Variants in DLC1 observed in about 807,000 individuals in gnomAD.
The protein encoded by DLC1 is DLC1 Rho GTPase activating protein, also known as rho GTPase-activating protein 7.
Under a neutral mutation model 140.3 loss-of-function variants are expected in DLC1, and 54 were observed. The observed-to-expected ratio is 0.38, with a 90% CI of 0.31 to 0.48. DLC1 has a LOEUF of 0.48. Ranked by LOEUF, DLC1 falls within the 20% of genes least tolerant of loss-of-function variation. The pLI, the probability that DLC1 is intolerant of heterozygous loss-of-function variation, is 0.96. For synonymous variants in DLC1, 986 were observed against 728.1 expected, an observed-to-expected ratio of 1.35 and a Z score of -5.70; for missense variants, 2,536 against 1,907.0, an observed-to-expected ratio of 1.33 and a Z score of -6.14.
intron 4 of DLC1, among the ~76,000 whole-genome samples, chr8:13,378,798 T>C (rs1475694996): frequency 6.6e-6 from 1 of 152,132 alleles, no homozygotes; most frequent in African/African-American, 2.4e-5. Context: ...AAAGAGCATA[T>C]AGTTCATGTC....
chr8:13,312,161 A>C (rs1417843295), intron 4 of DLC1, among the ~76,000 whole-genome samples: 1 of 129,716 alleles, frequency 7.7e-6, no homozygotes, highest in Non-Finnish European at 1.7e-5. Flanking sequence ...GGAGATCGAG[A>C]CCATCCTGGC....
intron 2 of DLC1, among the ~76,000 whole-genome samples, chr8:13,423,675 A>T (rs608996): frequency 0.54 from 82,547 of 151,980 alleles, 22,612 homozygotes; most frequent in Admixed American, 0.55. Flanking sequence ...CCATTGCTGA[A>T]TTTGATAAAA....
intron 2 of DLC1, among the ~76,000 whole-genome samples, chr8:13,442,527 A>G (rs904867245): frequency 2.0e-5 from 3 of 152,228 alleles, no homozygotes; most frequent in Admixed American, 1.3e-4. Flanking sequence ...AAACAACCCC[A>G]TCAAAAAGTG....
At chr8:13,147,467 T>C (rs1823517065) in intron 5 of DLC1, among the ~76,000 whole-genome samples, 1 of 152,210 alleles carries the variant, frequency 6.6e-6, no homozygotes, top group African/African-American at 2.4e-5. Flanking sequence ...AGTTCTTTCA[T>C]ACTGATTTTC....
At chr8:13,421,609 T>G (rs568397014) in intron 2 of DLC1, among the ~76,000 whole-genome samples, 2 of 152,314 alleles carry the variant, frequency 1.3e-5, no homozygotes, top group East Asian at 3.9e-4. Flanking sequence ...TCATTGTTTG[T>G]GTCCTTGCAG....
intron 4 of DLC1, among the ~76,000 whole-genome samples, chr8:13,332,322 C>G (rs913435550): frequency 1.3e-5 from 2 of 152,162 alleles, no homozygotes; most frequent in African/African-American, 4.8e-5. Context: ...ACTGTTCATT[C>G]CCTGGTTTCA....
rs188234916 is a variant in DLC1 at position 13,169,178 on chromosome 8, A to T, written c.1349-53521T>A. ...GGTTAGAACTTACTCAACATTACTC[A>T]TTTTTAACCTTTGATTGGTTTGTTC... On this transcript the variant is annotated intron_variant, in intron 5 of 17. Transcript: ENST00000276297. Among the ~76,000 whole-genome samples, 309 of 152,254 alleles carry T rather than the reference A, an allele frequency of 2.0e-3. 1 individual carries two copies. Among genetic ancestry groups the T allele is most frequent in the African/African-American group, 7.3e-3 (305 of 41,544 alleles).
rs1293090197 is a variant in DLC1, at chr8:13,230,627, C to T, written c.1348+74642G>A. 1.8e-4 allele frequency among the ~76,000 whole-genome samples: 25 copies of T among 139,754 alleles called. 1 individual carries two copies. The highest frequency in any genetic ancestry group is 1.0e-3 in the East Asian group (5 of 4,794). The allele number at this position is 139,754 out of a possible 152,430, so 91.7% of individuals were successfully genotyped here. A position where few individuals can be genotyped will look rare whatever the true frequency, so the allele number is the denominator to read the frequency against. On this transcript the variant is annotated intron_variant, in intron 5 of 17. Transcript: ENST00000276297. ...TTTTTTTTTTTTGGAGATGGGGTCT[C>T]ACTCTGTAGCCCAGGCTGGAGTGTA... is the stretch of plus-strand genomic sequence containing the variant.
At chr8:13,369,626 A>T (rs979716987) in intron 4 of DLC1, among the ~76,000 whole-genome samples, 4 of 152,110 alleles carry the variant, frequency 2.6e-5, no homozygotes, top group African/African-American at 7.2e-5. Context: ...AATTCATCAG[A>T]ACCCCTGTTT....
rs958935387 is a variant in DLC1, at chr8:13,083,367, A to C, written c.*2444T>G. 1.3e-5 allele frequency: 2 copies of C among 152,132 alleles called. No individual in the cohort carries two copies. The highest frequency in any genetic ancestry group is 4.8e-5 in the African/African-American group (2 of 41,422). The allele number at this position is 152,132 out of a possible 1,614,324, so 9.4% of individuals were successfully genotyped here. On this transcript the variant is annotated 3_prime_UTR_variant, in exon 18 of 18. Coordinates refer to ENST00000276297, the MANE Select transcript of DLC1 (RefSeq NM_182643.3). ...CAGAAGCTAATCCAATCAGTTCAGTATAGCAAATAATAAATTTATTAGGTG... is the reference window on the plus strand; with the variant it reads ...CAGAAGCTAATCCAATCAGTTCAGTCTAGCAAATAATAAATTTATTAGGTG...
chr8:13,426,080 T>C (rs1838560977), intron 2 of DLC1, among the ~76,000 whole-genome samples: 1 of 152,168 alleles, frequency 6.6e-6, no homozygotes. Flanking sequence ...CTCAAAGTGC[T>C]GGAATTACAG....
At chr8:13,475,023 G>A (rs780627090) in intron 2 of DLC1, among the ~76,000 whole-genome samples, 1 of 151,906 alleles carries the variant, frequency 6.6e-6, no homozygotes, top group Non-Finnish European at 1.5e-5. Context: ...ATATTGCCCA[G>A]GCTGGTCTTG....
chr8:13,433,568 C>T (rs966125212), intron 2 of DLC1, among the ~76,000 whole-genome samples: 1 of 152,200 alleles, frequency 6.6e-6, no homozygotes, highest in Non-Finnish European at 1.5e-5. Context: ...CTCTAACTTT[C>T]TTCCTCAAAG....
At chr8:13,444,637 C>T (rs1219641577) in intron 2 of DLC1, among the ~76,000 whole-genome samples, 1 of 152,106 alleles carries the variant, frequency 6.6e-6, no homozygotes, top group African/African-American at 2.4e-5. Context: ...TAAATATAGG[C>T]TACAGTACTA....
At position 13,499,051 on chromosome 8, in the gene DLC1, T is replaced by C; in HGVS notation, c.1021A>G (p.Lys341Glu). Residue 341 changes from lysine to glutamate, a missense_variant and splice_region_variant, in exon 2 of 18, where the codon AAG becomes GAG. Transcript: ENST00000276297. ...TDNQVRLRKRKEIREDRDRAR... is the reference protein window; with the variant it reads ...TDNQVRLRKREEIREDRDRAR... ...GAGAATCTGTGCATATGTCTTACCT[T>C]TCTCTTACGAAGTCTGACTTGGTTA... is the stretch of plus-strand genomic sequence containing the variant. The C allele has an allele frequency of 6.2e-7, 1 of 1,607,318 alleles. No homozygotes were observed. Among genetic ancestry groups the C allele is most frequent in the Non-Finnish European group, 8.5e-7 (1 of 1,177,296 alleles).
intron 5 of DLC1, chr8:13,214,572 T>TTG: frequency 3.0e-6 from 2 of 665,726 alleles, no homozygotes; most frequent in South Asian, 1.8e-5. Context: ...TTTTTTTTTT[T>TTG]TTGTGGCTGC....
chr8:13,206,584 C>T (rs1285654075), intron 5 of DLC1, among the ~76,000 whole-genome samples: 2 of 151,898 alleles, frequency 1.3e-5, no homozygotes, highest in African/African-American at 4.8e-5. Context: ...TAAATGTAAC[C>T]ACAGAAAGAA....
intron 4 of DLC1, among the ~76,000 whole-genome samples, chr8:13,382,428 AC>A (rs1258274011): frequency 2.2e-5 from 3 of 133,900 alleles, no homozygotes; most frequent in Admixed American, 8.8e-5. Context: ...AATGGCGTGA[AC>A]CCCAGGGGGC....
intron 5 of DLC1, among the ~76,000 whole-genome samples, chr8:13,152,694 C>A (rs936313028): frequency 4.6e-5 from 7 of 151,820 alleles, no homozygotes; most frequent in African/African-American, 1.7e-4. Context: ...ATAGTCCCAG[C>A]TACTGGGGGT....
Sources: gnomAD v4.1 joint callset for allele counts (sites outside exome capture counted in the v4.1 genomes callset) on GRCh38, gnomAD v4.1.1 for gene constraint, MANE v1.5 for transcripts, NCBI Gene and HGNC (gene_info 2026-07-23, HGNC 2026-07-21) for gene names.